RP1L1: variants seen among roughly 807,000 people sequenced by gnomAD.
RP1L1 encodes the protein RP1 like 1.
In RP1L1, 27 loss-of-function variants were observed where a neutral mutation model predicts 15.7. That is an observed-to-expected ratio of 1.72 (90% CI 1.27 to 2.38). The LOEUF (loss-of-function observed/expected upper bound fraction) is 2.38, where lower values mean the gene tolerates loss of function less well. RP1L1 is among the 30% of genes most tolerant of loss of function. The probability of loss-of-function intolerance (pLI) is 0.00; values close to 1 mark genes in which losing one functional copy is unlikely to be tolerated. For synonymous variants in RP1L1, 1,813 were observed against 1,276.7 expected, an observed-to-expected ratio of 1.42 and a Z score of -8.96; for missense variants, 4,798 against 3,075.9, an observed-to-expected ratio of 1.56 and a Z score of -13.24.
chr8:10,613,598 TC>T (rs1352746490), intron 3 of RP1L1, among the ~76,000 whole-genome samples: 27 of 38,584 alleles, frequency 7.0e-4, no homozygotes, highest in East Asian at 2.0e-3. Flanking sequence ...ACACCATCTC[TC>T]CAAAAAAAAA....
In RP1L1 at chr8:10,610,838, C is replaced by T. The variant is rs1315279562; in HGVS notation, c.3260G>A (p.Arg1087Lys). 1.2e-6 allele frequency: 2 copies of T among 1,608,328 alleles called. No homozygotes were observed. The highest frequency in any genetic ancestry group is 1.1e-5 in the South Asian group (1 of 90,914). Residue 1087 changes from arginine to lysine, a missense_variant, in exon 4 of 4, where the codon AGG becomes AAG. Arg to Lys is a conservative substitution (Grantham distance 26). Coordinates refer to ENST00000382483, the MANE Select transcript of RP1L1 (RefSeq NM_178857.6). ...GRVSASTQIM[R>K]ALMGSKQGRP... ...GCCCTGCTTGGAGCCCATCAGCGCC[C>T]TCATGATCTGCGTGGAGGCAGACAC...
intron 1 of RP1L1, among the ~76,000 whole-genome samples, chr8:10,625,510 GGGGGTGGGGTGT>G (rs1294445915): frequency 6.6e-6 from 1 of 151,946 alleles, no homozygotes; most frequent in African/African-American, 2.4e-5. Context: ...CCCATGGGGT[GGGGGTGGGGTGT>G]GGGAGGGGAA....
chr8:10,624,738 C>G (rs9329227), intron 1 of RP1L1, among the ~76,000 whole-genome samples: 47,749 of 152,046 alleles, frequency 0.31, 8,077 homozygotes, highest in Middle Eastern at 0.43. Context: ...TTCTGGCTGC[C>G]GGACATCTGC....
chr8:10,650,044 C>A (rs1057219657), intron 1 of RP1L1, among the ~76,000 whole-genome samples: 23 of 152,228 alleles, frequency 1.5e-4, no homozygotes, highest in Admixed American at 1.2e-3. Context: ...CCAACCCTGG[C>A]CAATGAGAGG....
chr8:10,627,355 C>T (rs1278152067), intron 1 of RP1L1, among the ~76,000 whole-genome samples: 1 of 152,120 alleles, frequency 6.6e-6, no homozygotes, highest in East Asian at 1.9e-4. Flanking sequence ...ACCTTGAAGA[C>T]ATTAAGTGAA....
Position 10,609,448 on chromosome 8 carries a change from A to C in RP1L1, c.4650T>G (p.Asn1550Lys), listed in dbSNP as rs760013790. The C allele has an allele frequency of 2.1e-5, 34 of 1,612,262 alleles. No individual in the cohort carries two copies. In the East Asian group the frequency reaches 7.6e-4, roughly 36 times the overall value. ...CGGCCGCCATCTGGTCCAGCAGATC[A>C]TTGTCCTGCAGGCCCCAGCGTGCTC... ...ELRARWGLQD[N>K]DLLDQMAAEL... Residue 1550 changes from asparagine to lysine, a missense_variant, in exon 4 of 4, where the codon AAT (asparagine) becomes AAG (lysine). Asn to Lys is a moderately conservative substitution (Grantham distance 94). Transcript: ENST00000382483.
intron 2 of RP1L1, among the ~76,000 whole-genome samples, chr8:10,618,087 A>G (rs1201452501): frequency 6.6e-6 from 1 of 152,214 alleles, no homozygotes; most frequent in Non-Finnish European, 1.5e-5. Context: ...AGCACAGAGC[A>G]TGTTCTTTTT....
At chr8:10,618,782 G>C (rs1019088640) in intron 2 of RP1L1, among the ~76,000 whole-genome samples, 3 of 152,188 alleles carry the variant, frequency 2.0e-5, no homozygotes, top group Non-Finnish European at 4.4e-5. Flanking sequence ...CATACCAGCT[G>C]TTTCTATCCC....
Position 10,608,132 on chromosome 8 carries a change from G to A in RP1L1, c.5966C>T (p.Ala1989Val), listed in dbSNP as rs749665716. 6.8e-6 allele frequency: 11 copies of A among 1,612,388 alleles called. No individual in the cohort carries two copies. The East Asian group carries it at 1.8e-4, about 26-fold the overall frequency. ...ALEVEVETQE[A>V]EGEAQPESED... ...TGACTCTGGCTGGGCCTCCCCTTCT[G>A]CCTCCTGGGTCTCCACTTCAACCTC... The change falls in exon 4 of 4, where the codon GCA becomes GTA. Residue 1989 changes from alanine to valine, a missense_variant. Coordinates refer to ENST00000382483, the MANE Select transcript of RP1L1 (RefSeq NM_178857.6).
At chr8:10,625,083 G>A (rs1458701991) in intron 1 of RP1L1, among the ~76,000 whole-genome samples, 2 of 152,204 alleles carry the variant, frequency 1.3e-5, no homozygotes, top group Non-Finnish European at 2.9e-5. Flanking sequence ...GACTGAGGGT[G>A]AACAATCAGC....
intron 1 of RP1L1, among the ~76,000 whole-genome samples, chr8:10,628,010 C>A (rs1404134681): frequency 6.6e-6 from 1 of 152,186 alleles, no homozygotes; most frequent in African/African-American, 2.4e-5. Context: ...TGCCTCCTGG[C>A]ATTTATAATC....
chr8:10,625,505 G>A (rs1798142738), intron 1 of RP1L1, among the ~76,000 whole-genome samples: 1 of 151,928 alleles, frequency 6.6e-6, no homozygotes, highest in African/African-American at 2.4e-5. Context: ...GGGAGCCCAT[G>A]GGGTGGGGGT....
At chr8:10,631,288 C>T (rs150228158) in intron 1 of RP1L1, among the ~76,000 whole-genome samples, 8,451 of 148,576 alleles carry the variant, frequency 0.057, 326 homozygotes, top group African/African-American at 0.097. Flanking sequence ...TGCACACACA[C>T]GCACACAAAC....
At chr8:10,620,418 C>G (rs975119354) in intron 2 of RP1L1, among the ~76,000 whole-genome samples, 2 of 152,082 alleles carry the variant, frequency 1.3e-5, no homozygotes, top group East Asian at 3.9e-4. Flanking sequence ...CCAGCCTGGC[C>G]AACATGGTGA....
At chr8:10,629,768 C>G (rs1005932601) in intron 1 of RP1L1, among the ~76,000 whole-genome samples, 21 of 152,128 alleles carry the variant, frequency 1.4e-4, no homozygotes, top group Non-Finnish European at 2.2e-4. Flanking sequence ...TCTTTCTACC[C>G]TGCTGTCCTT....
chr8:10,608,798 G>T lies in RP1L1; in HGVS notation c.5300C>A (p.Ala1767Glu), dbSNP rs573612517. Residue 1767 changes from alanine (A) to glutamate (E), a missense_variant, in exon 4 of 4, where the codon GCA becomes GAA. Coordinates refer to ENST00000382483, the MANE Select transcript of RP1L1 (RefSeq NM_178857.6). ...TTTCCCTTCTCTCTCCTGAGCCATT[G>T]CATCTCCCTCTGCCTCCCCGAGTTT... The part of the protein sequence containing the change: ...DPKLGEAEGD[A>E]MAQEREGKTH... 9.9e-6 allele frequency: 16 copies of T among 1,614,108 alleles called. No homozygotes were observed. The African/African-American group carries it at 1.7e-4, about 17-fold the overall frequency.
intron 1 of RP1L1, among the ~76,000 whole-genome samples, chr8:10,635,297 T>C (rs988101928): frequency 2.2e-5 from 3 of 137,928 alleles, no homozygotes; most frequent in Non-Finnish European, 4.8e-5. Context: ...TATCACCTTC[T>C]CTAAGAGGGG....
chr8:10,647,059 T>C (rs1798490091), intron 1 of RP1L1, among the ~76,000 whole-genome samples: 1 of 152,198 alleles, frequency 6.6e-6, no homozygotes, highest in South Asian at 2.1e-4. Context: ...CGCATCCTCA[T>C]CCGGGCCCCA....
rs59256339 is a variant in RP1L1 at position 10,614,693 on chromosome 8, A to G, written c.752-1347T>C. On this transcript the variant is annotated intron_variant, in intron 3 of 3. Transcript: ENST00000382483. ...AAAAAAAAAAAAGAAAAGAAAAAAGAAAGGAGGGAAGGAAGGAAGGAAGGA... is the reference window on the plus strand; with the variant it reads ...AAAAAAAAAAAAGAAAAGAAAAAAGGAAGGAGGGAAGGAAGGAAGGAAGGA... Among the ~76,000 whole-genome samples, 680 of 150,596 alleles carry G rather than the reference A, an allele frequency of 4.5e-3. 7 individuals carry two copies. The highest frequency in any genetic ancestry group is 0.016 in the African/African-American group (655 of 41,012).
Sources: allele counts gnomAD v4.1 joint callset (sites outside exome capture counted in the v4.1 genomes callset), GRCh38; gene constraint gnomAD v4.1.1; transcripts MANE v1.5; gene names NCBI Gene and HGNC (gene_info 2026-07-23, HGNC 2026-07-21).